Variants in DNAH7 observed in about 807,000 individuals in gnomAD.
DNAH7 encodes the protein axonemal beta dynein heavy chain 7.
Under a neutral mutation model 444.6 loss-of-function variants are expected in DNAH7, and 397 were observed. That is an observed-to-expected ratio of 0.89 (90% CI 0.82 to 0.97). DNAH7 has a LOEUF of 0.97. Among genes scored for constraint, DNAH7 ranks in the 50% least tolerant of loss-of-function variants. The pLI, the probability that DNAH7 is intolerant of heterozygous loss-of-function variation, is 0.00. For missense variants in DNAH7, 4,902 were observed against 4,800.8 expected (o/e 1.02, Z -0.62); for synonymous variants, 1,636 against 1,624.4 (o/e 1.01, Z -0.17).
Position 195,900,383 on chromosome 2 carries a change from CCA to C in DNAH7, c.4445_4446del (p.Val1482GlyfsTer40), listed in dbSNP as rs1686626881. ...TGCTCTGAACACAAGCGATACGTAG[CCA>C]CAATTTTTACAGACAGTGGTCGAGC... ...VTARPLSVKIVATYRLCSEQL... is the reference protein window; with the variant it reads ...VTARPLSVKIXATYRLCSEQL... On this transcript the variant is annotated frameshift_variant, in exon 28 of 65. Transcript: ENST00000312428. LOFTEE classifies it high-confidence loss of function. 5.0e-6 allele frequency: 8 copies of C among 1,613,890 alleles called. No homozygotes were observed. Among genetic ancestry groups the C allele is most frequent in the Non-Finnish European group, 6.8e-6 (8 of 1,179,956 alleles).
intron 46 of DNAH7, among the ~76,000 whole-genome samples, chr2:195,852,895 C>CAT (rs1699454860): frequency 9.3e-6 from 1 of 107,302 alleles, no homozygotes; most frequent in Non-Finnish European, 2.0e-5. Flanking sequence ...ATGAAGTACA[C>CAT]ACACACACAC....
At chr2:195,980,225 T>C (rs1692482400) in intron 15 of DNAH7, among the ~76,000 whole-genome samples, 1 of 152,140 alleles carries the variant, frequency 6.6e-6, no homozygotes. Context: ...CTCAGGCTGT[T>C]CTGGTGATAC....
chr2:195,990,585 G>A (rs1278082743), intron 12 of DNAH7, among the ~76,000 whole-genome samples: 1 of 152,016 alleles, frequency 6.6e-6, no homozygotes, highest in Non-Finnish European at 1.5e-5. Flanking sequence ...CCTGAGCCCA[G>A]GAGGTCAAGG....
intron 23 of DNAH7, among the ~76,000 whole-genome samples, chr2:195,923,090 C>T (rs534952452): frequency 6.6e-6 from 1 of 152,262 alleles, no homozygotes; most frequent in South Asian, 2.1e-4. Flanking sequence ...TCTTGAACTC[C>T]TGACCTCAAG....
Position 195,873,553 on chromosome 2 carries a change from AT to A in DNAH7, c.6413+14del, listed in dbSNP as rs1473221904. ...TACCTCCTAATTAAAAAAAAAACAA[AT>A]TTTGATTACTTACCAGATTTCTAAA... is the stretch of plus-strand genomic sequence containing the variant. On this transcript the variant is annotated intron_variant, in intron 39 of 64. Transcript: ENST00000312428. 1 of 1,304,200 alleles carries A rather than the reference AT, an allele frequency of 7.7e-7. No homozygotes were observed. The highest frequency in any genetic ancestry group is 1.0e-6 in the Non-Finnish European group (1 of 990,094). 80.8% of individuals were successfully genotyped at this position (1,304,200 alleles called of 1,614,324 possible). A position where few individuals can be genotyped will look rare whatever the true frequency, so the allele number is the denominator to read the frequency against.
At chr2:195,995,536 G>T in intron 12 of DNAH7, 1 of 295,284 alleles carries the variant, frequency 3.4e-6, no homozygotes, top group Non-Finnish European at 6.6e-6. Context: ...GCTTCACTTT[G>T]CCTGCTGCTG....
intron 48 of DNAH7, among the ~76,000 whole-genome samples, chr2:195,826,719 G>A (rs1697771407): frequency 6.6e-6 from 1 of 152,082 alleles, no homozygotes; most frequent in Non-Finnish European, 1.5e-5. Context: ...TAGGTTCAGT[G>A]ACAACCGTCA....
chr2:195,801,527 A>T (rs1031965134), intron 54 of DNAH7, among the ~76,000 whole-genome samples: 4 of 152,008 alleles, frequency 2.6e-5, no homozygotes, highest in Non-Finnish European at 5.9e-5. Context: ...CCCCAGCACC[A>T]CCCCGACTGA....
Position 195,864,727 on chromosome 2 carries a change from G to A in DNAH7, c.6928C>T (p.Pro2310Ser), listed in dbSNP as rs1042905123. 1.2e-6 allele frequency: 2 copies of A among 1,614,136 alleles called. No homozygotes were observed. The highest frequency in any genetic ancestry group is 1.6e-4 in the Middle Eastern group (1 of 6,062). The change falls in exon 41 of 65, where the codon CCC (proline) becomes TCC (serine). Residue 2310 changes from proline (P) to serine (S), a missense_variant. Physicochemically the swap from Pro to Ser is moderately conservative, Grantham distance 74. Transcript: ENST00000312428. ...AATCGAAACAAGACAAGGTTCATGG[G>A]TTTTTTGCTTATATTGTTGTATTCT... ...LEEYNNISKK[P>S]MNLVLFRFAI...
At chr2:195,848,183 T>C (rs572056681) in intron 46 of DNAH7, among the ~76,000 whole-genome samples, 1 of 152,078 alleles carries the variant, frequency 6.6e-6, no homozygotes, top group Non-Finnish European at 1.5e-5. Flanking sequence ...TCCTGCTGAG[T>C]AGGCTGGACC....
intron 12 of DNAH7, among the ~76,000 whole-genome samples, chr2:196,000,167 A>T (rs1185468921): frequency 6.6e-6 from 1 of 152,232 alleles, no homozygotes; most frequent in Non-Finnish European, 1.5e-5. Context: ...AAATAAGGAG[A>T]AAGCTTCTGA....
intron 31 of DNAH7, among the ~76,000 whole-genome samples, chr2:195,889,357 A>G (rs1701890735): frequency 7.1e-6 from 1 of 141,842 alleles, no homozygotes; most frequent in African/African-American, 2.7e-5. Flanking sequence ...TCTGTTGTCC[A>G]GGCTGGAGGG....
Position 195,771,746 on chromosome 2 carries a change from T to C in DNAH7, c.11347A>G (p.Thr3783Ala), listed in dbSNP as rs1463490090. 1 of 1,614,068 alleles carries C rather than the reference T, an allele frequency of 6.2e-7. No homozygotes were observed. The highest frequency in any genetic ancestry group is 2.2e-5 in the East Asian group (1 of 44,888). The change falls in exon 61 of 65, where the codon ACT becomes GCT. Residue 3783 changes from threonine (T) to alanine (A), a missense_variant. Thr to Ala is a moderately conservative substitution (Grantham distance 58). Coordinates refer to ENST00000312428, the MANE Select transcript of DNAH7 (RefSeq NM_018897.3). ...CGTCCCATCTCTTGGACAAGTACAG[T>C]GTTCATGCTCTGAGTATAAGTTGTT... ...YPTTYTQSMN[T>A]VLVQEMGRFN...
intron 39 of DNAH7, 108 bp downstream of exon 39, chr2:195,873,460 C>T (rs1456890639): frequency 1.4e-6 from 1 of 717,634 alleles, no homozygotes; most frequent in Non-Finnish European, 2.0e-6. Context: ...TTAACTTTTC[C>T]TTATCTAGGA....
intron 63 of DNAH7, among the ~76,000 whole-genome samples, chr2:195,743,099 G>A (rs1693143839): frequency 6.6e-6 from 1 of 152,188 alleles, no homozygotes; most frequent in Non-Finnish European, 1.5e-5. Context: ...CTCCCATGCT[G>A]GATGCTTCCC....
chr2:196,019,911 C>A (rs1053629654), intron 8 of DNAH7, among the ~76,000 whole-genome samples: 1 of 152,060 alleles, frequency 6.6e-6, no homozygotes. Flanking sequence ...CACCCACTCC[C>A]CGCACAGCAA....
chr2:195,830,692 G>T (rs1175492960), intron 48 of DNAH7, among the ~76,000 whole-genome samples: 1 of 152,182 alleles, frequency 6.6e-6, no homozygotes, highest in Non-Finnish European at 1.5e-5. Flanking sequence ...GAATTTAAAG[G>T]AATCCACCAG....
rs376917562 is a variant in DNAH7 at position 195,960,459 on chromosome 2, C to A, written c.2692G>T (p.Glu898Ter). The change falls in exon 18 of 65, where the codon GAA (glutamate) becomes TAA (stop). Residue 898 changes from glutamate to a stop codon, truncating the protein, a stop_gained. Coordinates refer to ENST00000312428, the MANE Select transcript of DNAH7 (RefSeq NM_018897.3). LOFTEE classifies it high-confidence loss of function. ...FEGISEAASK[E>*]YSLEKAMEKM... ...TCCATCGCCTTTTCAAGAGAATATT[C>A]TTTGCTAGCTGCTTCACTAATACCT... The A allele has an allele frequency of 2.5e-6, 4 of 1,614,188 alleles. No homozygotes were observed. The East Asian group carries it at 6.7e-5, about 27-fold the overall frequency.
In DNAH7 at chr2:196,010,715, G is replaced by A. The variant is rs143349225; in HGVS notation, c.989+2072C>T. On this transcript the variant is annotated intron_variant, in intron 10 of 64. Coordinates refer to ENST00000312428, the MANE Select transcript of DNAH7 (RefSeq NM_018897.3). ...AATAGATAAAGAAAATATAGTGTGTGTATGTGTGTGTGTATAGTATATAAA... is the reference window on the plus strand; with the variant it reads ...AATAGATAAAGAAAATATAGTGTGTATATGTGTGTGTGTATAGTATATAAA... 3.9e-3 allele frequency among the ~76,000 whole-genome samples: 601 copies of A among 152,210 alleles called. 9 individuals carry two copies. The highest frequency in any genetic ancestry group is 0.037 in the Admixed American group (558 of 15,270).
Sources: allele counts gnomAD v4.1 joint callset (sites outside exome capture counted in the v4.1 genomes callset), GRCh38; gene constraint gnomAD v4.1.1; transcripts MANE v1.5; gene names NCBI Gene and HGNC (gene_info 2026-07-23, HGNC 2026-07-21).